Variants in TDRD7 observed in about 807,000 individuals in gnomAD.
The protein encoded by TDRD7 is tudor domain-containing protein 7.
Under a neutral mutation model 109.8 loss-of-function variants are expected in TDRD7, and 47 were observed. The observed-to-expected ratio is 0.43, with a 90% CI of 0.34 to 0.55. The LOEUF (loss-of-function observed/expected upper bound fraction) is 0.55. Ranked by LOEUF, TDRD7 falls within the 20% of genes least tolerant of loss-of-function variation. TDRD7 has a pLI of 0.03. For missense variants in TDRD7, 1,164 were observed against 1,319.2 expected, an observed-to-expected ratio of 0.88 and a Z score of 1.82; for synonymous variants, 424 against 457.3, an observed-to-expected ratio of 0.93 and a Z score of 0.93.
intron 6 of TDRD7, among the ~76,000 whole-genome samples, chr9:97,454,069 C>G (rs974093636): frequency 6.6e-6 from 1 of 152,214 alleles, no homozygotes. Flanking sequence ...ACAGAACTCT[C>G]TACCCCAAAT....
intron 6 of TDRD7, among the ~76,000 whole-genome samples, chr9:97,456,490 A>G (rs1358199393): frequency 6.6e-6 from 1 of 152,188 alleles, no homozygotes; most frequent in Admixed American, 6.5e-5. Flanking sequence ...AAATAGACCA[A>G]TGGAGCAGAA....
At position 97,458,539 on chromosome 9, in the gene TDRD7, C is replaced by T. The variant is rs74707433; in HGVS notation, c.856-1639C>T. On this transcript the variant is annotated intron_variant, in intron 6 of 16. Transcript: ENST00000355295. ...GGCTTAAAATGAGGGACATAAACTG[C>T]GCCAATCATATAACATGCCATTTAG... is the stretch of plus-strand genomic sequence containing the variant. Among the ~76,000 whole-genome samples the T allele has an allele frequency of 8.5e-3, 1,290 of 152,164 alleles. 46 individuals are homozygous for T. In the East Asian group the frequency reaches 0.11, roughly 13 times the overall value.
chr9:97,452,326 G>A (rs1828512018), intron 6 of TDRD7, among the ~76,000 whole-genome samples: 1 of 152,228 alleles, frequency 6.6e-6, no homozygotes, highest in South Asian at 2.1e-4. Context: ...CTAAAGTGTT[G>A]AAGGATATCT....
At chr9:97,489,399 C>G (rs1829264394) in intron 16 of TDRD7, among the ~76,000 whole-genome samples, 1 of 152,222 alleles carries the variant, frequency 6.6e-6, no homozygotes, top group South Asian at 2.1e-4. Flanking sequence ...ATGTAATGCC[C>G]CTCTTTATCC....
chr9:97,432,648 A>G (rs926428806), intron 4 of TDRD7, among the ~76,000 whole-genome samples: 1 of 152,216 alleles, frequency 6.6e-6, no homozygotes, highest in East Asian at 1.9e-4. Context: ...ATGCATCAGA[A>G]TACCAGACTG....
chr9:97,482,758 A>C (rs1418965704), intron 14 of TDRD7, 91 bp from the exon 15 acceptor site: 4 of 1,390,588 alleles, frequency 2.9e-6, no homozygotes, highest in Non-Finnish European at 3.0e-6. Flanking sequence ...TTGGCAAAAT[A>C]CTGTGTTTTA....
rs748412471 is a variant in TDRD7, at chr9:97,441,875, G to A, written c.855G>A (p.Thr285=). ...QQFEHWPHIC[T]VEKPCSGGQD... ...TTGAACACTGGCCTCATATTTGCACGGTATGTTTTTCCTTATTCCTCCCTT... is the reference window on the plus strand; with the variant it reads ...TTGAACACTGGCCTCATATTTGCACAGTATGTTTTTCCTTATTCCTCCCTT... Residue 285 remains threonine, a splice_region_variant and synonymous_variant, in exon 6 of 17, where the codon ACG becomes ACA. Transcript: ENST00000355295. 6 of 1,612,782 alleles carry A rather than the reference G, an allele frequency of 3.7e-6. No individual in the cohort carries two copies. Among genetic ancestry groups the A allele is most frequent in the South Asian group, 1.1e-5 (1 of 91,032 alleles).
chr9:97,435,844 T>C (rs1564197519), intron 4 of TDRD7, among the ~76,000 whole-genome samples: 2 of 152,118 alleles, frequency 1.3e-5, no homozygotes, highest in Non-Finnish European at 2.9e-5. Flanking sequence ...TATCTACTTA[T>C]GAAATATTAA....
chr9:97,445,772 G>T (rs746491509), intron 6 of TDRD7, among the ~76,000 whole-genome samples: 43 of 152,278 alleles, frequency 2.8e-4, no homozygotes, highest in Non-Finnish European at 5.9e-4. Context: ...AACACAGCGG[G>T]TCTCAGCCTT....
rs143281061 is a variant in TDRD7, at chr9:97,490,553, G to T, written c.3076+3221G>T. 2.9e-4 allele frequency among the ~76,000 whole-genome samples: 42 copies of T among 145,090 alleles called. 3 individuals are homozygous for T. In the East Asian group the frequency reaches 7.3e-3, roughly 25 times the overall value. On this transcript the variant is annotated intron_variant, in intron 16 of 16. Coordinates refer to ENST00000355295, the MANE Select transcript of TDRD7 (RefSeq NM_014290.3). ...ATATGCCTAGATATATTTTGGTGGGGGGGGGGGCATTTATCTTGCTTGGTG... is the reference window on the plus strand; with the variant it reads ...ATATGCCTAGATATATTTTGGTGGGTGGGGGGGCATTTATCTTGCTTGGTG...
intron 4 of TDRD7, among the ~76,000 whole-genome samples, chr9:97,437,407 G>A (rs1313050958): frequency 6.6e-6 from 1 of 152,200 alleles, no homozygotes; most frequent in Non-Finnish European, 1.5e-5. Context: ...TTGCCACATG[G>A]TTCTTCCCAA....
In TDRD7 at chr9:97,495,913, T is replaced by C; in HGVS notation, c.*30T>C. The C allele has an allele frequency of 2.5e-6, 4 of 1,586,282 alleles. No individual in the cohort carries two copies. Among genetic ancestry groups the C allele is most frequent in the Non-Finnish European group, 3.5e-6 (4 of 1,155,420 alleles). ...TGCCTCTGAAACCTTGACAACTAATTCAGATTTTTTAGCAATAACAAAATG... is the reference window on the plus strand; with the variant it reads ...TGCCTCTGAAACCTTGACAACTAATCCAGATTTTTTAGCAATAACAAAATG... On this transcript the variant is annotated 3_prime_UTR_variant, in exon 17 of 17. Coordinates refer to ENST00000355295, the MANE Select transcript of TDRD7 (RefSeq NM_014290.3).
intron 1 of TDRD7, among the ~76,000 whole-genome samples, chr9:97,418,221 G>A (rs938707124): frequency 6.6e-6 from 1 of 152,180 alleles, no homozygotes; most frequent in Non-Finnish European, 1.5e-5. Context: ...AAAACAGTCT[G>A]ACAATGCCAA....
At chr9:97,470,491 A>G in intron 8 of TDRD7, 67 bp from the exon 9 acceptor site, 2 of 1,394,662 alleles carry the variant, frequency 1.4e-6, no homozygotes, top group Non-Finnish European at 2.0e-6. Flanking sequence ...TGAGCCAATT[A>G]AGTGTATCAA....
At position 97,464,770 on chromosome 9, in the gene TDRD7, C is replaced by T; in HGVS notation, c.1443-72C>T. On this transcript the variant is annotated intron_variant, in intron 7 of 16. Transcript: ENST00000355295. ...GATGGCAGCAGGGAAAAAAGAAGGA[C>T]AAAAACGAATTCCTATTGCTTTTCT... 3.2e-6 allele frequency: 5 copies of T among 1,574,366 alleles called. No homozygotes were observed. The South Asian group carries it at 4.5e-5, about 14-fold the overall frequency.
chr9:97,486,255 A>C (rs1829210086), intron 15 of TDRD7, among the ~76,000 whole-genome samples: 1 of 152,194 alleles, frequency 6.6e-6, no homozygotes, highest in South Asian at 2.1e-4. Flanking sequence ...GCTGTTAGGA[A>C]CAATCTTCCT....
chr9:97,416,074 A>G (rs1288680807), intron 1 of TDRD7, among the ~76,000 whole-genome samples: 2 of 152,222 alleles, frequency 1.3e-5, no homozygotes, highest in East Asian at 3.8e-4. Flanking sequence ...TTTGAATACA[A>G]TCACATTTAG....
intron 12 of TDRD7, among the ~76,000 whole-genome samples, chr9:97,476,875 C>T (rs929377643): frequency 6.6e-6 from 1 of 151,944 alleles, no homozygotes; most frequent in Admixed American, 6.6e-5. Flanking sequence ...TGATTTTTTT[C>T]ATTATTTAAA....
chr9:97,433,662 TAG>T (rs1828144943), intron 4 of TDRD7, among the ~76,000 whole-genome samples: 1 of 151,944 alleles, frequency 6.6e-6, no homozygotes, highest in Non-Finnish European at 1.5e-5. Context: ...CTCAACTCAA[TAG>T]CAAGAAAACA....
Sources: allele counts gnomAD v4.1 joint callset (sites outside exome capture counted in the v4.1 genomes callset), GRCh38; gene constraint gnomAD v4.1.1; transcripts MANE v1.5; gene names NCBI Gene and HGNC (gene_info 2026-07-23, HGNC 2026-07-21).